The following CHCHD6 variants were observed in gnomAD, a reference collection of about 807,000 sequenced individuals.
The protein encoded by CHCHD6 is coiled-coil-helix-coiled-coil-helix domain containing 6.
In CHCHD6, 28 loss-of-function variants were observed where a neutral mutation model predicts 32.3. That is an observed-to-expected ratio of 0.87 (90% CI 0.64 to 1.19). The LOEUF (loss-of-function observed/expected upper bound fraction) is 1.19. Ranked by LOEUF, CHCHD6 falls within the 50% of genes most tolerant of loss-of-function variation. The pLI is 0.00. For missense variants in CHCHD6, 333 were observed against 307.0 expected, an observed-to-expected ratio of 1.08 and a Z score of -0.63; for synonymous variants, 122 against 117.5, an observed-to-expected ratio of 1.04 and a Z score of -0.25.
At chr3:126,747,478 G>A (rs988834572) in intron 4 of CHCHD6, among the ~76,000 whole-genome samples, 3 of 152,194 alleles carry the variant, frequency 2.0e-5, no homozygotes, top group African/African-American at 7.2e-5. Flanking sequence ...CAGAAATTAT[G>A]TACCTAAACA....
At chr3:126,832,899 A>G (rs78237587) in intron 4 of CHCHD6, among the ~76,000 whole-genome samples, 3,450 of 152,252 alleles carry the variant, frequency 0.023, 60 homozygotes, top group Non-Finnish European at 0.041. Flanking sequence ...GTCTACAGAT[A>G]TGGAAAGGGT....
chr3:126,941,322 T>C (rs1204682001), intron 6 of CHCHD6, among the ~76,000 whole-genome samples: 2 of 152,232 alleles, frequency 1.3e-5, no homozygotes, highest in South Asian at 2.1e-4. Context: ...AATTCCTTCT[T>C]ACACACTTGA....
At chr3:126,704,622 T>G (rs1934384760) in intron 1 of CHCHD6, among the ~76,000 whole-genome samples, 1 of 152,068 alleles carries the variant, frequency 6.6e-6, no homozygotes. Flanking sequence ...AGTGAAGAAC[T>G]GTACAGGTGC....
At chr3:126,842,677 A>AT (rs1338007910) in intron 4 of CHCHD6, among the ~76,000 whole-genome samples, 17 of 152,156 alleles carry the variant, frequency 1.1e-4, no homozygotes, top group Non-Finnish European at 2.9e-5. Flanking sequence ...TGTATCACAC[A>AT]TTTTTTTAAA....
intron 4 of CHCHD6, among the ~76,000 whole-genome samples, chr3:126,796,175 A>G (rs768521874): frequency 1.3e-5 from 2 of 152,088 alleles, no homozygotes; most frequent in Non-Finnish European, 1.5e-5. Flanking sequence ...TGAGAACCCC[A>G]TCTCTATAAA....
intron 5 of CHCHD6, among the ~76,000 whole-genome samples, chr3:126,855,160 T>C (rs1187481735): frequency 9.9e-5 from 15 of 152,178 alleles, no homozygotes; most frequent in Admixed American, 1.3e-4. Context: ...CATTTCCCCA[T>C]AGAAAGCAGT....
At chr3:126,830,593 C>CTT (rs762929404) in intron 4 of CHCHD6, among the ~76,000 whole-genome samples, 41 of 152,224 alleles carry the variant, frequency 2.7e-4, no homozygotes, top group Non-Finnish European at 2.9e-4. Context: ...CTTCCTCATA[C>CTT]TTTAATTCCT....
intron 4 of CHCHD6, among the ~76,000 whole-genome samples, chr3:126,763,737 A>G (rs1001782108): frequency 6.6e-6 from 1 of 152,210 alleles, no homozygotes; most frequent in Non-Finnish European, 1.5e-5. Context: ...AGTGGAATTG[A>G]TATCAGTTTA....
At chr3:126,806,270 A>C (rs558916989) in intron 4 of CHCHD6, among the ~76,000 whole-genome samples, 16 of 152,154 alleles carry the variant, frequency 1.1e-4, no homozygotes, top group South Asian at 2.1e-4. Context: ...AGACAACCTA[A>C]AAAATGGGAG....
intron 5 of CHCHD6, among the ~76,000 whole-genome samples, chr3:126,863,920 A>G (rs1398527448): frequency 1.5e-5 from 2 of 136,614 alleles, no homozygotes; most frequent in Non-Finnish European, 3.2e-5. Flanking sequence ...CTCCTCCACC[A>G]TCGACACCTC....
intron 4 of CHCHD6, among the ~76,000 whole-genome samples, chr3:126,851,230 A>G (rs1255179443): frequency 1.3e-5 from 2 of 152,164 alleles, no homozygotes; most frequent in Non-Finnish European, 2.9e-5. Context: ...AGCTCTTATT[A>G]CAGACCAACC....
At chr3:126,719,067 C>G (rs944357304) in intron 1 of CHCHD6, among the ~76,000 whole-genome samples, 2 of 152,182 alleles carry the variant, frequency 1.3e-5, no homozygotes, top group East Asian at 3.9e-4. Context: ...GCAGAACCCC[C>G]GCAGTGACCT....
intron 4 of CHCHD6, chr3:126,766,417 A>T: frequency 1.7e-6 from 1 of 596,052 alleles, no homozygotes; most frequent in South Asian, 1.7e-5. Flanking sequence ...GTAGAGTCGG[A>T]GAAGTCTCTG....
At chr3:126,945,621 T>C (rs1576635730) in intron 6 of CHCHD6, among the ~76,000 whole-genome samples, 1 of 45,236 alleles carries the variant, frequency 2.2e-5, no homozygotes, top group Non-Finnish European at 4.1e-5. Context: ...GGGGGAGACT[T>C]GATGGGGGAG....
intron 6 of CHCHD6, among the ~76,000 whole-genome samples, chr3:126,923,687 G>C (rs2078284596): frequency 6.6e-6 from 1 of 152,212 alleles, no homozygotes; most frequent in South Asian, 2.1e-4. Context: ...GGCCTGGGTC[G>C]GATGACATAA....
At chr3:126,714,714 G>GT (rs747011515) in intron 1 of CHCHD6, among the ~76,000 whole-genome samples, 15 of 152,096 alleles carry the variant, frequency 9.9e-5, no homozygotes, top group Non-Finnish European at 1.9e-4. Context: ...TCTCTTCCTC[G>GT]TTTTCCAGTG....
intron 5 of CHCHD6, among the ~76,000 whole-genome samples, chr3:126,909,167 G>A (rs1486414555): frequency 6.6e-6 from 1 of 152,244 alleles, no homozygotes; most frequent in East Asian, 1.9e-4. Context: ...TGGTTAGGGG[G>A]TGTCTTTCAG....
chr3:126,908,701 A>G (rs530006278), intron 5 of CHCHD6, among the ~76,000 whole-genome samples: 14 of 152,328 alleles, frequency 9.2e-5, no homozygotes, highest in South Asian at 4.1e-4. Flanking sequence ...AATACATAGT[A>G]TACTTGGTTG....
intron 4 of CHCHD6, among the ~76,000 whole-genome samples, chr3:126,848,483 A>G (rs1446299979): frequency 6.6e-6 from 1 of 152,258 alleles, no homozygotes; most frequent in Non-Finnish European, 1.5e-5. Context: ...AAAATTATTC[A>G]TCAATTGGAG....
Sources: gnomAD v4.1 joint callset for allele counts (sites outside exome capture counted in the v4.1 genomes callset) on GRCh38, gnomAD v4.1.1 for gene constraint, MANE v1.5 for transcripts, NCBI Gene and HGNC (gene_info 2026-07-23, HGNC 2026-07-21) for gene names.